Variants in MYO18B observed in about 807,000 individuals in gnomAD.
The protein encoded by MYO18B is unconventional myosin-XVIIIb.
A neutral mutation model predicts 273.0 loss-of-function variants in MYO18B; 204 were observed. The ratio of observed to expected loss-of-function variants is 0.75; its 90% confidence interval spans 0.67 to 0.84. MYO18B has a LOEUF of 0.84. Ranked by LOEUF, MYO18B falls within the 40% of genes least tolerant of loss-of-function variation. The pLI, the probability that MYO18B is intolerant of heterozygous loss-of-function variation, is 0.00. For synonymous variants in MYO18B, 1,330 were observed against 1,305.7 expected (o/e 1.02, Z -0.40); for missense variants, 3,212 against 3,287.6 (o/e 0.98, Z 0.56).
chr22:25,902,142 T>G (rs766405827), intron 29 of MYO18B, among the ~76,000 whole-genome samples: 1 of 152,162 alleles, frequency 6.6e-6, no homozygotes, highest in Non-Finnish European at 1.5e-5. Flanking sequence ...CTGGCCACCT[T>G]TAAAATATAT....
intron 21 of MYO18B, among the ~76,000 whole-genome samples, chr22:25,864,141 T>C (rs1266089539): frequency 1.3e-5 from 2 of 152,218 alleles, no homozygotes; most frequent in Non-Finnish European, 2.9e-5. Context: ...TGCCTCACCC[T>C]GGAAGAACTA....
chr22:25,928,114 G>C (rs2092446895), intron 34 of MYO18B, among the ~76,000 whole-genome samples: 1 of 152,080 alleles, frequency 6.6e-6, no homozygotes, highest in African/African-American at 2.4e-5. Context: ...AGGTATCCAG[G>C]GGTTAAAAGG....
intron 42 of MYO18B, among the ~76,000 whole-genome samples, chr22:26,007,302 A>G (rs9680735): frequency 0.096 from 14,692 of 152,278 alleles, 843 homozygotes; most frequent in South Asian, 0.17. Context: ...ATTTGGTCAC[A>G]GCTCAGCATT....
intron 21 of MYO18B, among the ~76,000 whole-genome samples, chr22:25,857,989 C>T (rs1326138386): frequency 6.6e-6 from 1 of 152,198 alleles, no homozygotes; most frequent in Non-Finnish European, 1.5e-5. Flanking sequence ...TACATGTTTT[C>T]CACTCAATTT....
Position 25,847,620 on chromosome 22 carries a change from A to C in MYO18B, c.3743A>C (p.His1248Pro). The change falls in exon 20 of 44, where the codon CAC becomes CCC. Residue 1248 changes from histidine to proline, a missense_variant. Physicochemically the swap from His to Pro is moderately conservative, Grantham distance 77. Transcript: ENST00000335473. ...PALRVQLAGFHILEALRLHRT... is the reference protein window; with the variant it reads ...PALRVQLAGFPILEALRLHRT... ...CTGAGGGTCCAGCTTGCTGGGTTCC[A>C]CATCCTGGAGGCTCTGCGTCTGCAT... 1 of 1,562,274 alleles carries C rather than the reference A, an allele frequency of 6.4e-7. No individual in the cohort carries two copies. The highest frequency in any genetic ancestry group is 8.7e-7 in the Non-Finnish European group (1 of 1,153,542).
Position 25,876,239 on chromosome 22 carries a change from C to G in MYO18B, c.4131C>G (p.Leu1377=), listed in dbSNP as rs751460528. ...QCIQKNVAVF[L]AVKDWPWWQL... ...TCCAGAAGAATGTGGCTGTGTTCCT[C>G]GCAGTCAAGGACTGGCCATGGTGGC... is the stretch of plus-strand genomic sequence containing the variant. The change falls in exon 24 of 44, where the codon CTC becomes CTG. Residue 1377 remains leucine, a synonymous_variant. Coordinates refer to ENST00000335473, the MANE Select transcript of MYO18B (RefSeq NM_032608.7). 3 of 1,613,462 alleles carry G rather than the reference C, an allele frequency of 1.9e-6. No individual in the cohort carries two copies. Among genetic ancestry groups the G allele is most frequent in the Non-Finnish European group, 2.5e-6 (3 of 1,179,704 alleles).
At chr22:26,025,183 A>G (rs1936145416) in intron 42 of MYO18B, among the ~76,000 whole-genome samples, 1 of 152,184 alleles carries the variant, frequency 6.6e-6, no homozygotes, top group East Asian at 1.9e-4. Flanking sequence ...TCCCTGGGAA[A>G]GACACTGCTC....
chr22:26,003,183 A>T (rs1441100559), intron 40 of MYO18B, 82 bp from the exon 41 acceptor site: 15 of 1,273,242 alleles, frequency 1.2e-5, no homozygotes, highest in Non-Finnish European at 1.6e-5. Context: ...ATTCACACTC[A>T]TGTCTGTCTA....
chr22:25,759,716 C>T (rs1388387498), intron 1 of MYO18B, among the ~76,000 whole-genome samples: 32 of 152,082 alleles, frequency 2.1e-4, no homozygotes, highest in Admixed American at 2.0e-3. Context: ...TGTAAATAAA[C>T]AAGGAAATAT....
chr22:25,981,198 C>G (rs888804438), intron 39 of MYO18B, among the ~76,000 whole-genome samples: 3 of 152,180 alleles, frequency 2.0e-5, no homozygotes, highest in Non-Finnish European at 4.4e-5. Context: ...TTCTGAAGTC[C>G]TGGGGATTAA....
chr22:26,008,005 A>C (rs748455546), intron 42 of MYO18B, among the ~76,000 whole-genome samples: 2 of 152,212 alleles, frequency 1.3e-5, no homozygotes, highest in East Asian at 3.8e-4. Context: ...TAGCAAATAT[A>C]TAGCATATTT....
chr22:25,943,312 C>A (rs148491577), intron 34 of MYO18B, among the ~76,000 whole-genome samples: 1 of 152,170 alleles, frequency 6.6e-6, no homozygotes, highest in Non-Finnish European at 1.5e-5. Flanking sequence ...CCTTCCACCC[C>A]GGCTGGAGCA....
rs2089371294 is a variant in MYO18B, at chr22:25,823,626, A to G, written c.2643A>G (p.Gln881=). Residue 881 remains glutamine, a synonymous_variant, in exon 13 of 44, where the codon CAA becomes CAG. Coordinates refer to ENST00000335473, the MANE Select transcript of MYO18B (RefSeq NM_032608.7). ...ACCACCTTCGACAGATCATCCAGCA[A>G]ATGACGTTTGGGCCAAGCCGATGGG... ...FKHHLRQIIQ[Q]MTFGPSRWGL... 1 of 1,613,932 alleles carries G rather than the reference A, an allele frequency of 6.2e-7. No homozygotes were observed. The highest frequency in any genetic ancestry group is 2.2e-5 in the East Asian group (1 of 44,874).
intron 34 of MYO18B, 74 bp downstream of exon 34, chr22:25,921,483 C>G (rs2092341375): frequency 2.0e-6 from 3 of 1,517,128 alleles, no homozygotes; most frequent in Non-Finnish European, 1.8e-6. Context: ...GCTGTCCCTC[C>G]CAGGTATGAG....
chr22:25,874,881 T>C (rs972806861), intron 23 of MYO18B, among the ~76,000 whole-genome samples: 25 of 152,226 alleles, frequency 1.6e-4, no homozygotes, highest in Non-Finnish European at 4.4e-5. Flanking sequence ...AAGTATTATA[T>C]ATGTTCGAAT....
chr22:26,027,045 C>T lies in MYO18B; in HGVS notation c.7071C>T (p.Ser2357=). The part of the protein sequence containing the change: ...QFSSCESLLE[S]RPSMGRKLSS... The stretch of plus-strand genomic sequence containing the variant: ...GTTCCTGCGAGTCCCTCTTAGAATC[C>T]AGACCGAGCATGGGGAGAAAACTGA... Residue 2357 remains serine, a synonymous_variant, in exon 43 of 44, where the codon TCC becomes TCT. Transcript: ENST00000335473. This position sits in a 1 kb window ranked among gnomAD's most constrained non-coding sequence, Gnocchi z 4.1. 1 of 1,614,008 alleles carries T rather than the reference C, an allele frequency of 6.2e-7. No individual in the cohort carries two copies. The highest frequency in any genetic ancestry group is 8.5e-7 in the Non-Finnish European group (1 of 1,179,892).
intron 7 of MYO18B, 124 bp from the exon 8 acceptor site, chr22:25,777,459 T>C: frequency 1.1e-6 from 1 of 920,602 alleles, no homozygotes; most frequent in Non-Finnish European, 1.5e-6. Context: ...GAGTCAGGGA[T>C]CTGGAGGCAG....
At chr22:25,778,175 TC>T (rs1017003321) in intron 8 of MYO18B, among the ~76,000 whole-genome samples, 1 of 152,138 alleles carries the variant, frequency 6.6e-6, no homozygotes, top group African/African-American at 2.4e-5. Context: ...AACAGAGGAC[TC>T]GAAGAGTGAA....
At chr22:26,002,860 C>G (rs966412379) in intron 40 of MYO18B, among the ~76,000 whole-genome samples, 1 of 152,134 alleles carries the variant, frequency 6.6e-6, no homozygotes, top group Non-Finnish European at 1.5e-5. Context: ...TGGGAAGCTG[C>G]CCTGCTCCAT....
Sources: gnomAD v4.1 joint callset for allele counts (sites outside exome capture counted in the v4.1 genomes callset) on GRCh38, gnomAD v4.1.1 for gene constraint, Gnocchi (gnomAD v3.1) non-coding constraint, MANE v1.5 for transcripts, NCBI Gene and HGNC (gene_info 2026-07-23, HGNC 2026-07-21) for gene names.